The following CHD6 variants were observed in gnomAD, a reference collection of about 807,000 sequenced individuals.
CHD6 encodes the protein ATP-dependent chromatin remodeler CHD6.
CHD6 carries 50 observed loss-of-function variants against 276.9 expected under a neutral mutation model. The observed-to-expected ratio is 0.18, with a 90% CI of 0.14 to 0.23. The LOEUF is 0.23. CHD6 is among the 10% of genes least tolerant of loss of function. The pLI is 1.00. For synonymous variants in CHD6, 1,173 were observed against 1,229.3 expected, an observed-to-expected ratio of 0.95 and a Z score of 0.96; for missense variants, 2,564 against 3,365.8, an observed-to-expected ratio of 0.76 and a Z score of 5.89.
At chr20:41,501,733 AAAT>A (rs1437971995) in intron 5 of CHD6, among the ~76,000 whole-genome samples, 1 of 152,206 alleles carries the variant, frequency 6.6e-6, no homozygotes, top group African/African-American at 2.4e-5. Flanking sequence ...ATAAATAAAT[AAAT>A]AATATTGTCA....
intron 1 of CHD6, among the ~76,000 whole-genome samples, chr20:41,574,066 C>A (rs1301582751): frequency 7.0e-6 from 1 of 143,288 alleles, no homozygotes; most frequent in African/African-American, 2.6e-5. Flanking sequence ...TGCAGGTCGG[C>A]AATGCCCTCA....
chr20:41,421,000 C>CTAA lies in CHD6; in HGVS notation c.5632_5634dup (p.Leu1878dup), dbSNP rs777728815. 6 of 1,614,028 alleles carry CTAA rather than the reference C, an allele frequency of 3.7e-6. No homozygotes were observed. The highest frequency in any genetic ancestry group is 5.1e-6 in the Non-Finnish European group (6 of 1,179,980). ...CTTTCCCCCATGCCTACTGCCATGG[C>CTAA]TAAGTTTTCCTCCTCGTTTTCCTCC... On this transcript the variant is annotated inframe_insertion, in exon 31 of 37. Coordinates refer to ENST00000373233, the MANE Select transcript of CHD6 (RefSeq NM_032221.5).
At chr20:41,468,303 T>C (rs1197039971) in intron 17 of CHD6, among the ~76,000 whole-genome samples, 1 of 152,098 alleles carries the variant, frequency 6.6e-6, no homozygotes, top group Non-Finnish European at 1.5e-5. Flanking sequence ...AGAGACAGCA[T>C]TTCACGATAT....
chr20:41,531,713 T>C (rs554311023), intron 3 of CHD6, among the ~76,000 whole-genome samples: 1 of 152,348 alleles, frequency 6.6e-6, no homozygotes, highest in South Asian at 2.1e-4. Flanking sequence ...GTGAACATTA[T>C]GAGGCAAAAT....
intron 31 of CHD6, among the ~76,000 whole-genome samples, chr20:41,418,905 G>A (rs938184185): frequency 3.9e-5 from 6 of 152,180 alleles, no homozygotes; most frequent in Non-Finnish European, 8.8e-5. Context: ...CAAGGCTGAC[G>A]CTGCCATCAA....
intron 1 of CHD6, among the ~76,000 whole-genome samples, chr20:41,597,672 G>A (rs1211904890): frequency 6.6e-6 from 1 of 151,690 alleles, no homozygotes; most frequent in Non-Finnish European, 1.5e-5. Context: ...CATCATCCCA[G>A]GACCAACCCC....
At chr20:41,577,879 C>T (rs1455972760) in intron 1 of CHD6, among the ~76,000 whole-genome samples, 1 of 152,186 alleles carries the variant, frequency 6.6e-6, no homozygotes, top group African/African-American at 2.4e-5. Context: ...ATCACTTAAC[C>T]TCCTTAACTC....
At chr20:41,567,403 G>C (rs146506547) in intron 1 of CHD6, among the ~76,000 whole-genome samples, 33 of 152,246 alleles carry the variant, frequency 2.2e-4, no homozygotes, top group Admixed American at 1.2e-3. Flanking sequence ...CTCAGGGACA[G>C]CTGTTAAGTT....
chr20:41,487,923 C>T (rs2043456690), intron 13 of CHD6, 115 bp from the exon 14 acceptor site: 4 of 1,036,496 alleles, frequency 3.9e-6, no homozygotes, highest in Non-Finnish European at 5.7e-6. Flanking sequence ...TTCTGATCTG[C>T]TTTAATGAAA....
chr20:41,434,896 C>T (rs1272893365), intron 27 of CHD6, among the ~76,000 whole-genome samples: 1 of 152,196 alleles, frequency 6.6e-6, no homozygotes, highest in Non-Finnish European at 1.5e-5. Context: ...TTATGAAATA[C>T]TGCATCCAAT....
Position 41,473,771 on chromosome 20 carries a change from T to C in CHD6, c.2469-254A>G, listed in dbSNP as rs1218282276. The stretch of plus-strand genomic sequence containing the variant: ...CAAAACAAAGCAAAAAAAAACCAGC[T>C]GTAAACTAAGAAGGACTAGAAGAAT... On this transcript the variant is annotated intron_variant, in intron 16 of 36. Transcript: ENST00000373233. This position sits in a 1 kb window ranked among gnomAD's most constrained non-coding sequence, Gnocchi z 4.1. Among the ~76,000 whole-genome samples, 2 of 151,600 alleles carry C rather than the reference T, an allele frequency of 1.3e-5. No individual in the cohort carries two copies. Among genetic ancestry groups the C allele is most frequent in the Non-Finnish European group, 2.9e-5 (2 of 67,912 alleles).
At chr20:41,447,752 G>T in intron 24 of CHD6, 130 bp downstream of exon 24, 1 of 536,764 alleles carries the variant, frequency 1.9e-6, no homozygotes, top group Non-Finnish European at 3.3e-6. Context: ...TCCCATCTGG[G>T]ACACCGGTCC....
At chr20:41,428,637 T>A (rs887196109) in intron 27 of CHD6, among the ~76,000 whole-genome samples, 1 of 152,224 alleles carries the variant, frequency 6.6e-6, no homozygotes, top group Non-Finnish European at 1.5e-5. Flanking sequence ...CTCAAGCTCA[T>A]TTCTTCTTTT....
intron 3 of CHD6, 76 bp from the exon 4 acceptor site, chr20:41,515,028 A>C: frequency 2.7e-6 from 4 of 1,480,952 alleles, no homozygotes; most frequent in Non-Finnish European, 3.7e-6. Flanking sequence ...CAACGTCATG[A>C]AATCACATCC....
At chr20:41,411,390 G>C (rs2046836612) in intron 36 of CHD6, among the ~76,000 whole-genome samples, 1 of 151,560 alleles carries the variant, frequency 6.6e-6, no homozygotes, top group Admixed American at 6.6e-5. Context: ...CTTAAGAGAA[G>C]GCATTCAGGA....
chr20:41,531,019 G>T (rs1394747869), intron 3 of CHD6, among the ~76,000 whole-genome samples: 3 of 152,168 alleles, frequency 2.0e-5, no homozygotes, highest in African/African-American at 7.2e-5. Flanking sequence ...ATTTTCACTA[G>T]ACAGAATCCT....
intron 3 of CHD6, among the ~76,000 whole-genome samples, chr20:41,531,807 G>A (rs1423660029): frequency 2.0e-5 from 3 of 152,128 alleles, no homozygotes; most frequent in African/African-American, 7.2e-5. Flanking sequence ...TAAACTCCAC[G>A]TTGCAACACA....
At chr20:41,543,401 G>C (rs2044983769) in intron 2 of CHD6, among the ~76,000 whole-genome samples, 1 of 152,106 alleles carries the variant, frequency 6.6e-6, no homozygotes, top group Non-Finnish European at 1.5e-5. Flanking sequence ...ATAAGAATCA[G>C]CAAGAACCTC....
At chr20:41,606,674 CAA>C (rs10631069) in intron 1 of CHD6, among the ~76,000 whole-genome samples, 1 of 132,744 alleles carries the variant, frequency 7.5e-6, no homozygotes, top group Non-Finnish European at 1.7e-5. Context: ...GACTCCATCT[CAA>C]AAAAAAAAAA....
Sources: allele counts gnomAD v4.1 joint callset (sites outside exome capture counted in the v4.1 genomes callset), GRCh38; gene constraint gnomAD v4.1.1; non-coding constraint Gnocchi (gnomAD v3.1); transcripts MANE v1.5; gene names NCBI Gene and HGNC (gene_info 2026-07-23, HGNC 2026-07-21).